The following NR5A2 variants were observed in gnomAD, a reference collection of about 807,000 sequenced individuals.
NR5A2 encodes nuclear receptor subfamily 5 group A member 2.
A neutral mutation model predicts 62.7 loss-of-function variants in NR5A2; 26 were observed. The ratio of observed to expected loss-of-function variants is 0.41; its 90% CI spans 0.30 to 0.58. NR5A2 has a LOEUF of 0.58. Ranked by LOEUF, NR5A2 falls within the 20% of genes least tolerant of loss-of-function variation. The pLI is 0.22. For synonymous variants in NR5A2, 246 were observed against 241.7 expected (o/e 1.02, Z -0.16); for missense variants, 541 against 669.1 (o/e 0.81, Z 2.11).
chr1:200,101,200 T>A (rs1456040254), intron 5 of NR5A2, among the ~76,000 whole-genome samples: 3 of 152,212 alleles, frequency 2.0e-5, no homozygotes, highest in Admixed American at 6.5e-5. Context: ...TGCAGGGCTA[T>A]GTCTTGTTGG....
intron 3 of NR5A2, among the ~76,000 whole-genome samples, chr1:200,044,942 A>G (rs1346065354): frequency 6.6e-6 from 1 of 151,892 alleles, no homozygotes; most frequent in Non-Finnish European, 1.5e-5. Context: ...TTACTCTTTA[A>G]ATCCTTTTGC....
chr1:200,090,849 C>T (rs1664783024), intron 5 of NR5A2, among the ~76,000 whole-genome samples: 1 of 152,096 alleles, frequency 6.6e-6, no homozygotes. Context: ...CAGCCTCTGC[C>T]CCCTCCCTAA....
intron 5 of NR5A2, among the ~76,000 whole-genome samples, chr1:200,104,589 G>GA (rs1382877486): frequency 1.3e-5 from 2 of 151,830 alleles, no homozygotes; most frequent in African/African-American, 4.8e-5. Context: ...TTGCCAGAAA[G>GA]AAAAAAAGAA....
chr1:200,094,211 G>A (rs911455935), intron 5 of NR5A2, among the ~76,000 whole-genome samples: 23 of 150,858 alleles, frequency 1.5e-4, no homozygotes, highest in African/African-American at 5.1e-4. Flanking sequence ...TGGAGACAGA[G>A]TGTTGATCTG....
chr1:200,052,704 C>CAT (rs1662696369), intron 5 of NR5A2, among the ~76,000 whole-genome samples: 1 of 151,506 alleles, frequency 6.6e-6, no homozygotes, highest in South Asian at 2.1e-4. Context: ...TGCAGTGGTG[C>CAT]GATCTTGGCT....
chr1:200,147,747 G>A lies in NR5A2; in HGVS notation c.1379-26216G>A. On this transcript the variant is annotated intron_variant, in intron 7 of 7. Coordinates refer to ENST00000367362, the MANE Select transcript of NR5A2 (RefSeq NM_205860.3). This position sits in a 1 kb window ranked among gnomAD's most constrained non-coding sequence, Gnocchi z 4.9. ...GCGCCTCTCCCACGTCCACGGTGAA[G>A]ACGCGGATGCCGGCGCGAATGCCGG... The A allele has an allele frequency of 3.6e-6, 2 of 555,472 alleles. No individual in the cohort carries two copies. Among genetic ancestry groups the A allele is most frequent in the South Asian group, 1.8e-5 (1 of 55,246 alleles). 34.4% of individuals were successfully genotyped at this position (555,472 alleles called of 1,614,324 possible). A position where few individuals can be genotyped will look rare whatever the true frequency, so the allele number is the denominator to read the frequency against.
At chr1:200,151,253 T>C (rs892295921) in intron 7 of NR5A2, among the ~76,000 whole-genome samples, 1 of 152,194 alleles carries the variant, frequency 6.6e-6, no homozygotes, top group Non-Finnish European at 1.5e-5. Context: ...ATTGGGCGAT[T>C]ATAGGACTGT....
chr1:200,033,339 C>T (rs1432393238), intron 1 of NR5A2, among the ~76,000 whole-genome samples: 1 of 151,648 alleles, frequency 6.6e-6, no homozygotes, highest in Non-Finnish European at 1.5e-5. Flanking sequence ...AATTAGATAG[C>T]ATAAACAAAC....
intron 7 of NR5A2, among the ~76,000 whole-genome samples, chr1:200,160,206 A>C (rs1571574540): frequency 6.6e-6 from 1 of 152,362 alleles, no homozygotes; most frequent in South Asian, 2.1e-4. Context: ...AATAGTTTAC[A>C]CGAAGAGGAT....
chr1:200,134,569 C>T (rs556265682), intron 7 of NR5A2, among the ~76,000 whole-genome samples: 5 of 152,186 alleles, frequency 3.3e-5, no homozygotes, highest in Non-Finnish European at 5.9e-5. Context: ...ATGATGATCG[C>T]GCAACGAAAT....
chr1:200,141,178 A>G (rs1459798580), intron 7 of NR5A2, among the ~76,000 whole-genome samples: 4 of 152,192 alleles, frequency 2.6e-5, no homozygotes, highest in Non-Finnish European at 4.4e-5. Flanking sequence ...TGGCAATGTT[A>G]TCACATGTAG....
At chr1:200,028,586 T>A (rs1661435297) in intron 1 of NR5A2, among the ~76,000 whole-genome samples, 1 of 152,214 alleles carries the variant, frequency 6.6e-6, no homozygotes, top group Admixed American at 6.5e-5. Flanking sequence ...CTTATGAATT[T>A]TATAGCAAGA....
At chr1:200,165,124 G>A (rs1044072240) in intron 7 of NR5A2, among the ~76,000 whole-genome samples, 9 of 151,984 alleles carry the variant, frequency 5.9e-5, no homozygotes, top group Non-Finnish European at 8.8e-5. Flanking sequence ...TGATCTGCCC[G>A]CCTCGGCCTC....
intron 5 of NR5A2, among the ~76,000 whole-genome samples, chr1:200,092,715 G>T (rs965486876): frequency 1.4e-5 from 2 of 146,320 alleles, no homozygotes; most frequent in African/African-American, 5.2e-5. Flanking sequence ...AAAAAAAAAG[G>T]TTTTAAAATA....
intron 7 of NR5A2, among the ~76,000 whole-genome samples, chr1:200,171,683 A>G (rs1225447486): frequency 1.3e-5 from 2 of 152,164 alleles, no homozygotes; most frequent in African/African-American, 4.8e-5. Context: ...CAGGAGGTGG[A>G]GGTTGCAGTG....
chr1:200,140,324 G>A (rs750920319), intron 7 of NR5A2, among the ~76,000 whole-genome samples: 15 of 152,026 alleles, frequency 9.9e-5, no homozygotes, highest in Non-Finnish European at 1.3e-4. Context: ...TGATCCTCTC[G>A]CCTCAGCCTC....
chr1:200,154,446 C>T (rs997629692), intron 7 of NR5A2, among the ~76,000 whole-genome samples: 3 of 152,190 alleles, frequency 2.0e-5, no homozygotes, highest in African/African-American at 7.2e-5. Context: ...ATCACCAGCC[C>T]TGATGAGTCA....
At chr1:200,066,868 A>G (rs1313253667) in intron 5 of NR5A2, among the ~76,000 whole-genome samples, 1 of 152,042 alleles carries the variant, frequency 6.6e-6, no homozygotes, top group African/African-American at 2.4e-5. Context: ...GTGAGCCCCC[A>G]TGCCTGGCCC....
intron 5 of NR5A2, among the ~76,000 whole-genome samples, chr1:200,076,127 GTA>G (rs1370906696): frequency 6.6e-6 from 1 of 152,174 alleles, no homozygotes; most frequent in African/African-American, 2.4e-5. Flanking sequence ...TTCTTCAGAA[GTA>G]GTCTTCCGCA....
Sources: allele counts gnomAD v4.1 joint callset (sites outside exome capture counted in the v4.1 genomes callset), GRCh38; gene constraint gnomAD v4.1.1; non-coding constraint Gnocchi (gnomAD v3.1); transcripts MANE v1.5; gene names NCBI Gene and HGNC (gene_info 2026-07-23, HGNC 2026-07-21).